The following FAM193A variants were observed in gnomAD, a reference collection of about 807,000 sequenced individuals.
FAM193A encodes the protein family with sequence similarity 193 member A.
FAM193A carries 22 observed loss-of-function variants against 126.5 expected under a neutral mutation model. That is an observed-to-expected ratio of 0.17 (90% CI 0.12 to 0.25). The LOEUF is 0.25. Among genes scored for constraint, FAM193A ranks in the 10% least tolerant of loss-of-function variants. The pLI is 1.00. For synonymous variants in FAM193A, 761 were observed against 646.8 expected (o/e 1.18, Z -2.68); for missense variants, 1,675 against 1,672.8 (o/e 1.00, Z -0.02).
At chr4:2,691,014 CT>C in intron 15 of FAM193A, 44 bp downstream of exon 15, 2 of 1,545,282 alleles carry the variant, frequency 1.3e-6, no homozygotes, top group Non-Finnish European at 1.8e-6. Flanking sequence ...TGCAGGAAGG[CT>C]GGGCTTACTG....
chr4:2,542,944 G>A (rs1700639054), intron 1 of FAM193A, among the ~76,000 whole-genome samples: 1 of 152,074 alleles, frequency 6.6e-6, no homozygotes, highest in African/African-American at 2.4e-5. Flanking sequence ...AAAGGAGGAG[G>A]ACCATGGGAG....
At chr4:2,711,842 G>A (rs919505351) in intron 19 of FAM193A, among the ~76,000 whole-genome samples, 5 of 151,952 alleles carry the variant, frequency 3.3e-5, no homozygotes, top group African/African-American at 9.7e-5. Flanking sequence ...CAGAAGAATC[G>A]CTTGAATTTG....
At chr4:2,715,048 C>T (rs1464855399) in intron 19 of FAM193A, among the ~76,000 whole-genome samples, 3 of 152,196 alleles carry the variant, frequency 2.0e-5, no homozygotes, top group Admixed American at 1.3e-4. Flanking sequence ...CTCAAACTTG[C>T]CTGAGAGTCT....
chr4:2,626,960 G>GA (rs1377709869), intron 4 of FAM193A, among the ~76,000 whole-genome samples: 1 of 151,974 alleles, frequency 6.6e-6, no homozygotes, highest in Non-Finnish European at 1.5e-5. Flanking sequence ...TTTATGAAGT[G>GA]AAAAAATGGG....
intron 4 of FAM193A, among the ~76,000 whole-genome samples, chr4:2,627,857 C>A (rs1577095836): frequency 6.6e-6 from 1 of 152,066 alleles, no homozygotes. Flanking sequence ...GTTCTCCTGC[C>A]TCAGCCTGCC....
At chr4:2,580,456 C>T (rs1017592843) in intron 1 of FAM193A, among the ~76,000 whole-genome samples, 3 of 152,158 alleles carry the variant, frequency 2.0e-5, no homozygotes, top group African/African-American at 7.2e-5. Context: ...GTGTAACCTG[C>T]ACGTGCTGCA....
At chr4:2,544,143 C>G (rs1430570054) in intron 1 of FAM193A, among the ~76,000 whole-genome samples, 1 of 152,138 alleles carries the variant, frequency 6.6e-6, no homozygotes, top group Non-Finnish European at 1.5e-5. Flanking sequence ...CTAAAATTAA[C>G]AATTTTAACT....
intron 1 of FAM193A, among the ~76,000 whole-genome samples, chr4:2,572,569 G>C (rs769682014): frequency 1.3e-5 from 2 of 152,044 alleles, no homozygotes; most frequent in African/African-American, 2.4e-5. Flanking sequence ...TGAGGCTGCA[G>C]ATAGGTTGGA....
At chr4:2,608,120 T>G in intron 2 of FAM193A, 2 of 1,606,448 alleles carry the variant, frequency 1.2e-6, no homozygotes, top group East Asian at 2.2e-5. Flanking sequence ...CTACTATATC[T>G]CCTTGTAGAT....
chr4:2,632,546 CAAAAA>C (rs894976597), intron 5 of FAM193A, among the ~76,000 whole-genome samples: 14 of 151,920 alleles, frequency 9.2e-5, no homozygotes, highest in African/African-American at 3.4e-4. Flanking sequence ...GATCCTATCT[CAAAAA>C]GAAAAGAAAA....
chr4:2,567,138 C>T (rs1202782865), intron 1 of FAM193A, among the ~76,000 whole-genome samples: 5 of 148,786 alleles, frequency 3.4e-5, no homozygotes, highest in African/African-American at 7.5e-5. Flanking sequence ...TTAGTAGAGA[C>T]GGAGTTGCAC....
rs200076543 is a variant in FAM193A at position 2,693,658 on chromosome 4, C to T, written c.2876C>T (p.Thr959Met). The T allele has an allele frequency of 1.5e-4, 241 of 1,614,216 alleles. No homozygotes were observed. Among genetic ancestry groups the T allele is most frequent in the South Asian group, 3.1e-4 (28 of 91,084 alleles). ...CCAGCCGCCCCGAGGAATAGCCCCA[C>T]GGGCTTGGCCCCCCTCCCAGCGCTC... ...SAPAAPRNSP[T>M]GLAPLPALSP... Residue 959 changes from threonine to methionine, a missense_variant, in exon 16 of 21, where the codon ACG becomes ATG. By Grantham distance (81) the Thr-to-Met change is moderately conservative (BLOSUM62 -1). Around this residue, in one of 4 missense-constraint regions of FAM193A, gnomAD observed 1,186 missense variants for 1,109.2 expected, o/e 1.07. Transcript: ENST00000637812.
intron 10 of FAM193A, among the ~76,000 whole-genome samples, chr4:2,660,678 T>A (rs1712328138): frequency 6.6e-6 from 1 of 152,236 alleles, no homozygotes; most frequent in Non-Finnish European, 1.5e-5. Context: ...ACAGGCATCA[T>A]GTTCCATGTG....
At chr4:2,622,324 C>T (rs1742602994) in intron 2 of FAM193A, among the ~76,000 whole-genome samples, 2 of 150,510 alleles carry the variant, frequency 1.3e-5, no homozygotes, top group South Asian at 4.2e-4. Context: ...CTCTTCCCCT[C>T]ATGTTAAGTG....
Position 2,700,510 on chromosome 4 carries a change from G to A in FAM193A, c.4338G>A (p.Lys1446=), listed in dbSNP as rs748874047. The A allele has an allele frequency of 6.2e-7, 1 of 1,612,578 alleles. No individual in the cohort carries two copies. The highest frequency in any genetic ancestry group is 1.3e-5 in the African/African-American group (1 of 74,728). The change falls in exon 19 of 21, where the codon AAG becomes AAA. Residue 1446 remains lysine (K), a synonymous_variant. Transcript: ENST00000637812. ...CAAAGGGCAAGAACAAGAAAAATAA[G>A]AAGAAGAAAGGAGACAGAGTCAACA... ...PQPKGKNKKN[K]KKKGDRVNNS... is the part of the protein sequence containing the mutation.
chr4:2,625,477 G>A (rs1002517799), intron 3 of FAM193A, 82 bp downstream of exon 3: 1 of 594,938 alleles, frequency 1.7e-6, no homozygotes, highest in Non-Finnish European at 3.1e-6. Context: ...CGGAGAAACT[G>A]GGCTAATGTG....
chr4:2,622,895 G>A (rs530140748), intron 2 of FAM193A, among the ~76,000 whole-genome samples: 10 of 152,204 alleles, frequency 6.6e-5, no homozygotes, highest in South Asian at 2.1e-4. Context: ...GGGGGCGGGC[G>A]GGGGCACAAA....
chr4:2,576,715 G>A (rs1297220881), intron 1 of FAM193A, among the ~76,000 whole-genome samples: 2 of 152,256 alleles, frequency 1.3e-5, no homozygotes, highest in East Asian at 3.9e-4. Flanking sequence ...TCTAAACACT[G>A]GCCAATGCTT....
intron 1 of FAM193A, among the ~76,000 whole-genome samples, chr4:2,552,561 C>T (rs1462845089): frequency 1.3e-5 from 2 of 151,828 alleles, no homozygotes; most frequent in South Asian, 2.1e-4. Flanking sequence ...TTTTTTGAGA[C>T]GGAGTCTCGC....
Sources: gnomAD v4.1 joint callset for allele counts (sites outside exome capture counted in the v4.1 genomes callset) on GRCh38, gnomAD v4.1.1 for gene constraint, gnomAD v4.1.1 regional missense constraint, MANE v1.5 for transcripts, NCBI Gene and HGNC (gene_info 2026-07-23, HGNC 2026-07-21) for gene names.